Variants in CRHR1 observed in about 807,000 individuals in gnomAD.
CRHR1 encodes the protein corticotropin releasing hormone receptor 1, also known as corticotropin-releasing hormone receptor 1.
A neutral mutation model predicts 56.0 loss-of-function variants in CRHR1; 28 were observed. The observed-to-expected ratio is 0.50, with a 90% CI of 0.37 to 0.69. The LOEUF (loss-of-function observed/expected upper bound fraction) is 0.69, where lower values mean the gene tolerates loss of function less well. CRHR1 is among the 30% of genes least tolerant of loss of function. CRHR1 has a pLI of 0.00. For missense variants in CRHR1, 376 were observed against 548.0 expected (o/e 0.69, Z 3.13); for synonymous variants, 195 against 216.5 (o/e 0.90, Z 0.87).
At chr17:45,810,271 C>T (rs889858026) in intron 2 of CRHR1, among the ~76,000 whole-genome samples, 3 of 152,078 alleles carry the variant, frequency 2.0e-5, no homozygotes, top group Non-Finnish European at 2.9e-5. Context: ...GGCGACAGAG[C>T]GAGACTCTGT....
intron 2 of CRHR1, among the ~76,000 whole-genome samples, chr17:45,811,029 G>T (rs12939006): frequency 6.6e-6 from 1 of 152,228 alleles, no homozygotes; most frequent in African/African-American, 2.4e-5. Flanking sequence ...CCAAATAGGG[G>T]GAAGGGCTTC....
chr17:45,787,203 G>T (rs909214465), intron 1 of CRHR1, among the ~76,000 whole-genome samples: 1 of 152,192 alleles, frequency 6.6e-6, no homozygotes, highest in Non-Finnish European at 1.5e-5. Flanking sequence ...GAAAGTGTGT[G>T]TGTGAGTGGG....
At chr17:45,793,412 G>A (rs892350348) in intron 1 of CRHR1, among the ~76,000 whole-genome samples, 1 of 152,190 alleles carries the variant, frequency 6.6e-6, no homozygotes, top group South Asian at 2.1e-4. Context: ...GGGCACTCTA[G>A]CCTCCAAATG....
At chr17:45,824,614 G>T (rs1486893127) in intron 4 of CRHR1, among the ~76,000 whole-genome samples, 1 of 152,214 alleles carries the variant, frequency 6.6e-6, no homozygotes, top group Non-Finnish European at 1.5e-5. Context: ...GCAGGGTTAG[G>T]ACAAGGAAGA....
intron 1 of CRHR1, among the ~76,000 whole-genome samples, chr17:45,797,673 A>T (rs190811059): frequency 5.8e-4 from 89 of 152,240 alleles, no homozygotes; most frequent in African/African-American, 2.1e-3. Flanking sequence ...AGATGGGGAA[A>T]ATGAGGCTTG....
chr17:45,807,261 T>A (rs1220958251), intron 2 of CRHR1, among the ~76,000 whole-genome samples, 164 bp downstream of exon 2: 2 of 151,854 alleles, frequency 1.3e-5, no homozygotes, highest in African/African-American at 2.4e-5. Context: ...CCGAGCACCG[T>A]GTTGAGAAGG....
chr17:45,824,722 C>T (rs1258363869), intron 4 of CRHR1, among the ~76,000 whole-genome samples: 1 of 152,204 alleles, frequency 6.6e-6, no homozygotes, highest in Non-Finnish European at 1.5e-5. Flanking sequence ...GCTGCATGAC[C>T]TTGAGGAGGC....
At chr17:45,821,889 T>C (rs1181344186) in intron 4 of CRHR1, among the ~76,000 whole-genome samples, 1 of 152,178 alleles carries the variant, frequency 6.6e-6, no homozygotes, top group Non-Finnish European at 1.5e-5. Context: ...AAAAAGCCCT[T>C]GGAAAGCCTT....
At chr17:45,828,709 C>T (rs769558604) in intron 4 of CRHR1, among the ~76,000 whole-genome samples, 3 of 152,180 alleles carry the variant, frequency 2.0e-5, no homozygotes, top group Non-Finnish European at 2.9e-5. Context: ...AGCAGCTGCC[C>T]GGCCCCTCCT....
At chr17:45,819,771 A>T (rs1156964794) in intron 3 of CRHR1, among the ~76,000 whole-genome samples, 1 of 152,180 alleles carries the variant, frequency 6.6e-6, no homozygotes, top group Non-Finnish European at 1.5e-5. Flanking sequence ...CGGATCTCCC[A>T]CTGGCCAGCT....
chr17:45,796,412 G>A (rs1378949935), intron 1 of CRHR1, among the ~76,000 whole-genome samples: 2 of 152,246 alleles, frequency 1.3e-5, no homozygotes, highest in African/African-American at 4.8e-5. Context: ...AGCTCTGGGG[G>A]AGCTGGGCTG....
At chr17:45,807,178 A>T in intron 2 of CRHR1, 81 bp downstream of exon 2, 1 of 1,296,142 alleles carries the variant, frequency 7.7e-7, no homozygotes, top group Non-Finnish European at 1.1e-6. Flanking sequence ...GCCTGCACAC[A>T]GAACCATGCC....
At chr17:45,825,450 A>C (rs2062140288) in intron 4 of CRHR1, 1 of 151,354 alleles carries the variant, frequency 6.6e-6, no homozygotes. Context: ...ACTTGCACAC[A>C]CTCTATCCCC....
intron 1 of CRHR1, among the ~76,000 whole-genome samples, chr17:45,785,703 C>T (rs1439946687): frequency 6.6e-6 from 1 of 152,200 alleles, no homozygotes; most frequent in South Asian, 2.1e-4. Flanking sequence ...ACCAACTGTA[C>T]GTATACCGGC....
chr17:45,795,659 C>T (rs1449683961), intron 1 of CRHR1, among the ~76,000 whole-genome samples: 1 of 152,190 alleles, frequency 6.6e-6, no homozygotes, highest in African/African-American at 2.4e-5. Flanking sequence ...CACTGGAACG[C>T]ATTTAAAAAA....
chr17:45,826,801 C>G (rs2062174033), intron 4 of CRHR1: 1 of 152,312 alleles, frequency 6.6e-6, no homozygotes, highest in South Asian at 2.1e-4. Context: ...CATGGCAAAA[C>G]CCCATCTCTA....
intron 10 of CRHR1, 21 bp from the exon 11 acceptor site, chr17:45,833,693 T>TGGGGGGGGGCGGCC: frequency 6.4e-7 from 1 of 1,571,618 alleles, no homozygotes; most frequent in Non-Finnish European, 8.7e-7. Context: ...ACTCCGAGCC[T>TGGGGGGGGGCGGCC]CCCCACCCGC....
intron 4 of CRHR1, among the ~76,000 whole-genome samples, chr17:45,822,221 A>G (rs913361493): frequency 2.6e-5 from 4 of 152,258 alleles, no homozygotes; most frequent in African/African-American, 9.6e-5. Context: ...TTGCATTTGC[A>G]TAATATCACA....
At chr17:45,810,937 G>A (rs2061811233) in intron 2 of CRHR1, among the ~76,000 whole-genome samples, 4 of 152,280 alleles carry the variant, frequency 2.6e-5, no homozygotes, top group South Asian at 2.1e-4. Flanking sequence ...GGGCAAGAAC[G>A]TGTGTTTCAC....
Sources: gnomAD v4.1 joint callset for allele counts (sites outside exome capture counted in the v4.1 genomes callset) on GRCh38, gnomAD v4.1.1 for gene constraint, MANE v1.5 for transcripts, NCBI Gene and HGNC (gene_info 2026-07-23, HGNC 2026-07-21) for gene names.